Variants in CES4A observed in about 807,000 individuals in gnomAD.
The protein encoded by CES4A is carboxylesterase 6.
In CES4A, 48 loss-of-function variants were observed where a neutral mutation model predicts 65.4. The ratio of observed to expected loss-of-function variants is 0.73; its 90% CI spans 0.58 to 0.93. The LOEUF (loss-of-function observed/expected upper bound fraction) is 0.93, where lower values mean the gene tolerates loss of function less well. Among genes scored for constraint, CES4A ranks in the 40% least tolerant of loss-of-function variants. CES4A has a pLI of 0.00. For missense variants in CES4A, 685 were observed against 728.5 expected (o/e 0.94, Z 0.69); for synonymous variants, 247 against 281.8 (o/e 0.88, Z 1.24).
At chr16:67,010,308 C>T (rs1049153249), downstream of CES4A, among the ~76,000 whole-genome samples, 3 of 151,938 alleles carry the variant, frequency 2.0e-5, no homozygotes, top group African/African-American at 7.3e-5. Context: ...TCAGGTAATC[C>T]ACCCGTCTCA....
rs1391328474 is a variant in CES4A at position 67,005,271 on chromosome 16, T to A, written c.1193T>A (p.Val398Glu). 6.2e-7 allele frequency: 1 copy of A among 1,614,050 alleles called. No homozygotes were observed. The highest frequency in any genetic ancestry group is 1.1e-5 in the South Asian group (1 of 91,076). The change falls in exon 11 of 14, where the codon GTG becomes GAG. Residue 398 changes from valine to glutamate, a missense_variant. Val to Glu is a moderately radical substitution (Grantham distance 121). Coordinates refer to ENST00000648724, the Ensembl canonical transcript of CES4A. ...ACCAAGGAGCAGGTACCACTTGTGGTGGAGGAGTACCTGGACAATGTCAAT... is the reference window on the plus strand; with the variant it reads ...ACCAAGGAGCAGGTACCACTTGTGGAGGAGGAGTACCTGGACAATGTCAAT...
intron 11 of CES4A, 42 bp downstream of exon 11, chr16:67,005,435 C>G: frequency 6.3e-7 from 1 of 1,599,164 alleles, no homozygotes; most frequent in South Asian, 1.1e-5. Context: ...GCCCCGTCCA[C>G]TCTCCAGGTG....
chr16:67,002,593 G>A (rs1470342835), intron 5 of CES4A, among the ~76,000 whole-genome samples: 1 of 152,062 alleles, frequency 6.6e-6, no homozygotes, highest in South Asian at 2.1e-4. Flanking sequence ...ATGGTATGGG[G>A]TAAGGAATGC....
rs567425722 is a variant in CES4A, at chr16:67,006,057, C to T, written c.1316-334C>T. ...TTAAAGGGGGGGGGGCTGGAAAATG[C>T]AGACACCAAAGACCCTTCAATATGA... On this transcript the variant is annotated intron_variant, in intron 11 of 13. Coordinates refer to ENST00000648724, the Ensembl canonical transcript of CES4A. The T allele has an allele frequency of 3.7e-4, 90 of 245,988 alleles. 2 individuals carry two copies. The South Asian group carries it at 5.2e-3, about 14-fold the overall frequency. 15.2% of individuals were successfully genotyped at this position (245,988 alleles called of 1,614,324 possible).
downstream of CES4A, among the ~76,000 whole-genome samples, chr16:67,010,046 T>C (rs1489260778): frequency 2.0e-5 from 3 of 151,780 alleles, no homozygotes; most frequent in East Asian, 3.9e-4. Flanking sequence ...CCCACAGTTT[T>C]GTTTCGTTGT....
intron 1 of CES4A, among the ~76,000 whole-genome samples, chr16:66,993,545 T>C (rs946987716): frequency 1.3e-5 from 2 of 152,002 alleles, no homozygotes; most frequent in South Asian, 2.1e-4. Flanking sequence ...GGTTTCACCA[T>C]GTTGGCCAGG....
chr16:66,991,129 A>G (rs994104374), intron 1 of CES4A, among the ~76,000 whole-genome samples: 100 of 152,116 alleles, frequency 6.6e-4, no homozygotes, highest in African/African-American at 2.3e-3. Context: ...GGTTCAAGCA[A>G]TTCTCCTATC....
intron 1 of CES4A, 117 bp from the exon 2 acceptor site, chr16:66,995,511 C>T (rs914981944): frequency 2.4e-6 from 2 of 847,670 alleles, no homozygotes; most frequent in Middle Eastern, 3.4e-4. Flanking sequence ...CAGGGGTGAC[C>T]CTTTTCCCCT....
rs1439747111 is a variant in CES4A at position 67,001,452 on chromosome 16, C to G, written c.681C>G (p.Ile227Met). ...GCCAGTCGGCGGGGGCCATGAGCAT[C>G]TCAGGACTGGTGAGAGCAATGCCCA... is the stretch of plus-strand genomic sequence containing the variant. Residue 227 changes from isoleucine (I) to methionine (M), a missense_variant, in exon 5 of 14, where the codon ATC becomes ATG. Ile to Met is a conservative substitution (Grantham distance 10, BLOSUM62 1). Coordinates refer to ENST00000648724, the Ensembl canonical transcript of CES4A. The surrounding 1 kb of genome is among the most constrained non-coding windows in gnomAD (Gnocchi z 4.1). The G allele has an allele frequency of 6.2e-7, 1 of 1,606,606 alleles. No homozygotes were observed. The highest frequency in any genetic ancestry group is 1.3e-5 in the African/African-American group (1 of 74,930).
In CES4A at chr16:67,000,497, A is replaced by ACACGCACACG. The variant is rs1168767288; in HGVS notation, c.261-132_261-123dup. The ACACGCACACG allele has an allele frequency of 7.0e-7, 1 of 1,438,440 alleles. No individual in the cohort carries two copies. The highest frequency in any genetic ancestry group is 9.1e-7 in the Non-Finnish European group (1 of 1,097,042). 89.1% of individuals were successfully genotyped at this position (1,438,440 alleles called of 1,614,324 possible). A position where few individuals can be genotyped will look rare whatever the true frequency, so the allele number is the denominator to read the frequency against. On this transcript the variant is annotated intron_variant, in intron 2 of 13. Transcript: ENST00000648724. This position sits in a 1 kb window ranked among gnomAD's most constrained non-coding sequence, Gnocchi z 4.2. ...CCCGGGGCTGGCGGAGGCCTCCTGT[A>ACACGCACACG]CACGCACACGCACGCACATGCGCAC... is the stretch of plus-strand genomic sequence containing the variant.
At chr16:66,998,371 C>T (rs983749353) in intron 2 of CES4A, among the ~76,000 whole-genome samples, 1 of 152,032 alleles carries the variant, frequency 6.6e-6, no homozygotes, top group African/African-American at 2.4e-5. Context: ...GGGAGGATCC[C>T]TTGAGGCTAG....
chr16:67,001,169 C>A lies in CES4A; in HGVS notation c.537-139C>A. The A allele has an allele frequency of 7.3e-7, 1 of 1,371,422 alleles. No individual in the cohort carries two copies. The highest frequency in any genetic ancestry group is 9.7e-7 in the Non-Finnish European group (1 of 1,031,126). 85.0% of individuals were successfully genotyped at this position (1,371,422 alleles called of 1,614,324 possible). A position where few individuals can be genotyped will look rare whatever the true frequency, so the allele number is the denominator to read the frequency against. Reference sequence around the variant, plus strand: ...ATACCATCTGGATGGGGCGAGCTAACTCCAAGGAAGGGGGTGTGGTCGCAG... The same window carrying A: ...ATACCATCTGGATGGGGCGAGCTAAATCCAAGGAAGGGGGTGTGGTCGCAG... On this transcript the variant is annotated intron_variant, in intron 4 of 13. Coordinates refer to ENST00000648724, the Ensembl canonical transcript of CES4A. The surrounding 1 kb of genome is among the most constrained non-coding windows in gnomAD (Gnocchi z 4.1).
In CES4A at chr16:67,001,546, C is replaced by T; in HGVS notation, c.690+85C>T. 6.9e-7 allele frequency: 1 copy of T among 1,454,738 alleles called. No homozygotes were observed. Among genetic ancestry groups the T allele is most frequent in the Middle Eastern group, 1.8e-4 (1 of 5,450 alleles). The allele number at this position is 1,454,738 out of a possible 1,614,324, so 90.1% of individuals were successfully genotyped here. ...TATGCTCCACTGCACAGGCCATGTG[C>T]AGATTTGCGTGTACAGGAACGTGCC... On this transcript the variant is annotated intron_variant, in intron 5 of 13. Transcript: ENST00000648724. This position sits in a 1 kb window ranked among gnomAD's most constrained non-coding sequence, Gnocchi z 4.1.
chr16:66,994,392 G>A (rs936772781), intron 1 of CES4A, among the ~76,000 whole-genome samples: 1 of 149,222 alleles, frequency 6.7e-6, no homozygotes, highest in Non-Finnish European at 1.5e-5. Flanking sequence ...GTGTCACCAC[G>A]CCCAGCTAAT....
intron 1 of CES4A, among the ~76,000 whole-genome samples, chr16:66,994,952 C>T (rs1484589782): frequency 1.3e-5 from 2 of 151,910 alleles, no homozygotes; most frequent in Non-Finnish European, 2.9e-5. Flanking sequence ...TGCAGTGAGC[C>T]AAGATTGGGC....
intron 2 of CES4A, among the ~76,000 whole-genome samples, chr16:66,999,424 C>T (rs1965109510): frequency 6.6e-6 from 1 of 152,226 alleles, no homozygotes; most frequent in South Asian, 2.1e-4. Context: ...GATGAATCTA[C>T]CTCTATTCCT....
At chr16:66,999,658 T>C (rs1286512018) in intron 2 of CES4A, among the ~76,000 whole-genome samples, 3 of 152,100 alleles carry the variant, frequency 2.0e-5, no homozygotes, top group Non-Finnish European at 4.4e-5. Flanking sequence ...AAAAATTAGC[T>C]GGGTGTGATG....
At chr16:66,993,435 C>T (rs143698435) in intron 1 of CES4A, among the ~76,000 whole-genome samples, 5,513 of 152,102 alleles carry the variant, frequency 0.036, 338 homozygotes, top group African/African-American at 0.12. Context: ...CTCCGCCTCC[C>T]GGGTTCAAGC....
chr16:66,996,140 C>T (rs779808090), intron 2 of CES4A: 20 of 474,740 alleles, frequency 4.2e-5, no homozygotes, highest in South Asian at 6.8e-5. Context: ...CGGGTTCAAG[C>T]GAGTCTCCTG....
Sources: allele counts gnomAD v4.1 joint callset (sites outside exome capture counted in the v4.1 genomes callset), GRCh38; gene constraint gnomAD v4.1.1; non-coding constraint Gnocchi (gnomAD v3.1); transcripts MANE v1.5; gene names NCBI Gene and HGNC (gene_info 2026-07-23, HGNC 2026-07-21).